The following KCNH7 variants were observed in gnomAD, a reference collection of about 807,000 sequenced individuals.
KCNH7 encodes the protein potassium voltage-gated channel subfamily H member 7.
A neutral mutation model predicts 120.8 loss-of-function variants in KCNH7; 49 were observed. That is an observed-to-expected ratio of 0.41 (90% CI 0.32 to 0.51). KCNH7 has a LOEUF of 0.51. KCNH7 is among the 20% of genes least tolerant of loss of function. The pLI, the probability that KCNH7 is intolerant of heterozygous loss-of-function variation, is 0.38. For synonymous variants in KCNH7, 547 were observed against 516.1 expected (o/e 1.06, Z -0.81); for missense variants, 1,097 against 1,446.6 (o/e 0.76, Z 3.92).
rs563012119 is a variant in KCNH7, at chr2:162,807,666, C to T, written c.307+28871G>A. On this transcript the variant is annotated intron_variant, in intron 2 of 15. Transcript: ENST00000332142. ...AACTACATACTATTTATAATCTTTT[C>T]ATCCATTTTTTGTTTTGTTTTGTTT... 1.3e-4 allele frequency among the ~76,000 whole-genome samples: 20 copies of T among 151,992 alleles called. No homozygotes were observed. In the East Asian group the frequency reaches 3.9e-3, roughly 29 times the overall value.
chr2:162,440,065 G>A (rs959572219), intron 7 of KCNH7, among the ~76,000 whole-genome samples: 6 of 151,520 alleles, frequency 4.0e-5, no homozygotes, highest in Admixed American at 2.0e-4. Context: ...TAAATGAAGA[G>A]AGACTCATTA....
intron 2 of KCNH7, among the ~76,000 whole-genome samples, chr2:162,823,327 T>C (rs1217305124): frequency 6.6e-6 from 1 of 152,204 alleles, no homozygotes; most frequent in African/African-American, 2.4e-5. Flanking sequence ...CAAACCACAC[T>C]CTATTATTTA....
intron 5 of KCNH7, among the ~76,000 whole-genome samples, chr2:162,507,539 T>C (rs1265468103): frequency 2.0e-5 from 3 of 151,632 alleles, no homozygotes; most frequent in Non-Finnish European, 1.5e-5. Context: ...TGCCATTTCA[T>C]TTTCCATTCC....
At chr2:162,488,816 C>T (rs1429748394) in intron 6 of KCNH7, among the ~76,000 whole-genome samples, 2 of 152,202 alleles carry the variant, frequency 1.3e-5, no homozygotes, top group African/African-American at 4.8e-5. Flanking sequence ...TCGACCACTT[C>T]CCAGTGCCAG....
At position 162,821,594 on chromosome 2, in the gene KCNH7, C is replaced by G. The variant is rs181655724; in HGVS notation, c.307+14943G>C. On this transcript the variant is annotated intron_variant, in intron 2 of 15. Coordinates refer to ENST00000332142, the MANE Select transcript of KCNH7 (RefSeq NM_033272.4). ...CAGATATAGTTTGTATTCAGAGTGT[C>G]TACATATCCAGTTTGCCTGGAACAG... 2.0e-5 allele frequency among the ~76,000 whole-genome samples: 3 copies of G among 152,324 alleles called. No individual in the cohort carries two copies. The East Asian group carries it at 5.8e-4, about 29-fold the overall frequency.
chr2:162,708,185 C>T lies in KCNH7; in HGVS notation c.307+128352G>A, dbSNP rs532481925. Among the ~76,000 whole-genome samples the T allele has an allele frequency of 2.6e-3, 389 of 152,054 alleles. 2 individuals carry two copies. Among genetic ancestry groups the T allele is most frequent in the African/African-American group, 8.9e-3 (370 of 41,500 alleles). On this transcript the variant is annotated intron_variant, in intron 2 of 15. Coordinates refer to ENST00000332142, the MANE Select transcript of KCNH7 (RefSeq NM_033272.4). The stretch of plus-strand genomic sequence containing the variant: ...GGAATAGTTCTTAGCATATAGTAGG[C>T]CCTCAACAATATATTGTCAAATAAA...
intron 2 of KCNH7, among the ~76,000 whole-genome samples, chr2:162,592,283 C>T (rs1420277331): frequency 6.6e-6 from 1 of 151,974 alleles, no homozygotes; most frequent in Non-Finnish European, 1.5e-5. Flanking sequence ...GGCAAGGAGG[C>T]TGATATGGTT....
chr2:162,687,440 A>G (rs12617005), intron 2 of KCNH7, among the ~76,000 whole-genome samples: 3,437 of 152,218 alleles, frequency 0.023, 72 homozygotes, highest in East Asian at 0.11. Flanking sequence ...TTACTTTCTA[A>G]TTATTGGACA....
intron 2 of KCNH7, among the ~76,000 whole-genome samples, chr2:162,719,939 C>G (rs962400837): frequency 1.3e-5 from 2 of 151,958 alleles, no homozygotes; most frequent in African/African-American, 2.4e-5. Flanking sequence ...ATTTAAAATA[C>G]TAGGAGCTGT....
At chr2:162,471,374 G>T (rs1689522014) in intron 6 of KCNH7, among the ~76,000 whole-genome samples, 2 of 152,072 alleles carry the variant, frequency 1.3e-5, no homozygotes, top group Non-Finnish European at 2.9e-5. Context: ...GTATATATTT[G>T]CATGTTTCTA....
chr2:162,458,452 G>A (rs1362493603), intron 6 of KCNH7, among the ~76,000 whole-genome samples: 1 of 151,936 alleles, frequency 6.6e-6, no homozygotes, highest in African/African-American at 2.4e-5. Context: ...TGGATTTGAG[G>A]GACTTCTGGC....
chr2:162,505,910 A>G (rs1690863637), intron 5 of KCNH7, among the ~76,000 whole-genome samples: 1 of 151,830 alleles, frequency 6.6e-6, no homozygotes, highest in South Asian at 2.1e-4. Flanking sequence ...TTGGACAATA[A>G]TCAATCAACT....
chr2:162,816,928 C>G (rs1315319458), intron 2 of KCNH7, among the ~76,000 whole-genome samples: 1 of 151,910 alleles, frequency 6.6e-6, no homozygotes, highest in African/African-American at 2.4e-5. Flanking sequence ...TAAATACAAG[C>G]CAATTTTCCT....
intron 6 of KCNH7, among the ~76,000 whole-genome samples, chr2:162,460,342 C>T (rs1689104531): frequency 6.6e-6 from 1 of 151,928 alleles, no homozygotes; most frequent in African/African-American, 2.4e-5. Flanking sequence ...CGTATGGTGC[C>T]CTATGTCAGC....
At chr2:162,440,970 C>T (rs1558946508) in intron 7 of KCNH7, among the ~76,000 whole-genome samples, 2 of 152,150 alleles carry the variant, frequency 1.3e-5, no homozygotes, top group Admixed American at 6.5e-5. Context: ...ATACTTTATG[C>T]CATCTCTAGC....
chr2:162,659,178 T>A (rs1011549674), intron 2 of KCNH7, among the ~76,000 whole-genome samples: 5 of 152,208 alleles, frequency 3.3e-5, no homozygotes, highest in Admixed American at 2.0e-4. Context: ...CATGAGCAAG[T>A]GATAGATTTT....
chr2:162,390,374 A>G (rs1264966926), intron 12 of KCNH7, among the ~76,000 whole-genome samples: 1 of 151,736 alleles, frequency 6.6e-6, no homozygotes, highest in Non-Finnish European at 1.5e-5. Context: ...TGTATATTAT[A>G]CAGTGAACAC....
intron 2 of KCNH7, among the ~76,000 whole-genome samples, chr2:162,591,705 A>T (rs1409356745): frequency 6.6e-6 from 1 of 152,138 alleles, no homozygotes; most frequent in Non-Finnish European, 1.5e-5. Context: ...TGCCACAAAA[A>T]GTCTATAGAA....
chr2:162,535,968 C>T lies in KCNH7; in HGVS notation c.463+957G>A, dbSNP rs1692090924. Among the ~76,000 whole-genome samples, 8 of 151,722 alleles carry T rather than the reference C, an allele frequency of 5.3e-5. No homozygotes were observed. In the South Asian group the frequency reaches 1.7e-3, roughly 32 times the overall value. ...AGAACAATGAGTGAGCCATTGAGAA[C>T]AAGATAAATTAACTGTATACTCTGC... On this transcript the variant is annotated intron_variant, in intron 3 of 15. Coordinates refer to ENST00000332142, the MANE Select transcript of KCNH7 (RefSeq NM_033272.4).
Sources: gnomAD v4.1 joint callset for allele counts (sites outside exome capture counted in the v4.1 genomes callset) on GRCh38, gnomAD v4.1.1 for gene constraint, MANE v1.5 for transcripts, NCBI Gene and HGNC (gene_info 2026-07-23, HGNC 2026-07-21) for gene names.